Variants in PAXIP1 observed in about 807,000 individuals in gnomAD.
PAXIP1 encodes PAX interacting protein 1, also known as PAX-interacting protein 1.
In PAXIP1, 19 loss-of-function variants were observed where a neutral mutation model predicts 140.6. The ratio of observed to expected loss-of-function variants is 0.14; its 90% CI spans 0.09 to 0.20. PAXIP1 has a LOEUF of 0.20. Among genes scored for constraint, PAXIP1 ranks in the 10% least tolerant of loss-of-function variants. The probability of loss-of-function intolerance (pLI) is 1.00; values close to 1 mark genes in which losing one functional copy is unlikely to be tolerated. For synonymous variants in PAXIP1, 442 were observed against 444.6 expected, an observed-to-expected ratio of 0.99 and a Z score of 0.07; for missense variants, 920 against 1,208.6, an observed-to-expected ratio of 0.76 and a Z score of 3.54.
chr7:155,002,817 G>A, intron 1 of PAXIP1, 32 bp downstream of exon 1: 1 of 1,284,912 alleles, frequency 7.8e-7, no homozygotes, highest in Non-Finnish European at 1.0e-6. Context: ...CGCGGACGGG[G>A]GAGGAGGCCG....
chr7:154,953,666 GA>G (rs967325467), intron 16 of PAXIP1, among the ~76,000 whole-genome samples: 2 of 151,768 alleles, frequency 1.3e-5, no homozygotes, highest in African/African-American at 4.8e-5. Context: ...CCTCCATGAA[GA>G]AAAAAAATTG....
intron 2 of PAXIP1, 137 bp downstream of exon 2, chr7:154,998,513 A>T (rs1810744803): frequency 2.0e-6 from 1 of 491,624 alleles, no homozygotes; most frequent in Non-Finnish European, 3.2e-6. Flanking sequence ...AGCTCAAAAA[A>T]ATAAATAAAT....
In PAXIP1 at chr7:154,968,607, T is replaced by TCTGCTGTTG; in HGVS notation, c.1585_1593dup (p.Gln529_Gln531dup). 1 of 715,254 alleles carries TCTGCTGTTG rather than the reference T, an allele frequency of 1.4e-6. No individual in the cohort carries two copies. The highest frequency in any genetic ancestry group is 2.6e-6 in the Non-Finnish European group (1 of 385,264). 44.3% of individuals were successfully genotyped at this position (715,254 alleles called of 1,614,324 possible). A position where few individuals can be genotyped will look rare whatever the true frequency, so the allele number is the denominator to read the frequency against. On this transcript the variant is annotated inframe_insertion, in exon 7 of 21. Coordinates refer to ENST00000404141, the MANE Select transcript of PAXIP1 (RefSeq NM_007349.4). ...ATGCGCTGGAGCTGCTGCTGCTGAA[T>TCTGCTGTTG]CTGCTGTTGCTGCTGCTGCTGGAGC... is the stretch of plus-strand genomic sequence containing the variant.
chr7:154,961,406 C>T, intron 11 of PAXIP1, 121 bp downstream of exon 11: 1 of 783,748 alleles, frequency 1.3e-6, no homozygotes, highest in Non-Finnish European at 1.9e-6. Context: ...CTTTAACAGA[C>T]TTTGATTTCC....
chr7:154,993,726 G>T lies in PAXIP1; in HGVS notation c.260C>A (p.Pro87Gln). The T allele has an allele frequency of 6.3e-7, 1 of 1,591,302 alleles. No individual in the cohort carries two copies. Among genetic ancestry groups the T allele is most frequent in the Non-Finnish European group, 8.6e-7 (1 of 1,168,624 alleles). ...CTCCCCCACTCAAAAAAAAGGATAC[G>T]GCAGAAGAGTTCCACACTGAACGGA... is the stretch of plus-strand genomic sequence containing the variant. ...ILSVQCGTLL[P>Q]VNGFSPESCQ... The change falls in exon 3 of 21, where the codon CCA (proline) becomes CAA (glutamine). Residue 87 changes from proline (P) to glutamine (Q), a missense_variant and splice_region_variant. By Grantham distance (76) the Pro-to-Gln change is moderately conservative. Transcript: ENST00000404141.
intron 16 of PAXIP1, chr7:154,949,373 G>A (rs1221262754): frequency 6.6e-6 from 1 of 152,034 alleles, no homozygotes; most frequent in Non-Finnish European, 1.5e-5. Flanking sequence ...GTTCACCAAC[G>A]GCCAGAAATA....
At chr7:155,003,269 C>G (rs1425675229), upstream of PAXIP1, among the ~76,000 whole-genome samples, 2 of 151,732 alleles carry the variant, frequency 1.3e-5, no homozygotes, top group Non-Finnish European at 2.9e-5. Context: ...GCAGCCCGCT[C>G]TGGCCCTTGC....
In PAXIP1 at chr7:154,968,883, A is replaced by C. The variant is rs1052437971; in HGVS notation, c.1318T>G (p.Tyr440Asp). 8.1e-6 allele frequency: 8 copies of C among 989,902 alleles called. No homozygotes were observed. Among genetic ancestry groups the C allele is most frequent in the Non-Finnish European group, 7.8e-6 (5 of 642,586 alleles). 61.3% of individuals were successfully genotyped at this position (989,902 alleles called of 1,614,324 possible). A position where few individuals can be genotyped will look rare whatever the true frequency, so the allele number is the denominator to read the frequency against. ...AATGGATGCGGCGGCTGCTGGGGGT[A>C]AGGTTGCTGAGAGATCTGCTGCTGC... ...QQQQQISQQP[Y>D]PQQPPHPFSQ... The change falls in exon 7 of 21, where the codon TAC (tyrosine) becomes GAC (aspartate). Residue 440 changes from tyrosine (Y) to aspartate (D), a missense_variant. Tyr to Asp is a radical substitution (Grantham distance 160, BLOSUM62 -3). Coordinates refer to ENST00000404141, the MANE Select transcript of PAXIP1 (RefSeq NM_007349.4).
chr7:154,975,810 T>C lies in PAXIP1; in HGVS notation c.960A>G (p.Gln320=), dbSNP rs1234003641. ...GNLMAAGQNL[Q]SSERSEMIAT... ...CTATCATTTCTGATCTTTCAGAACT[T>C]TGGAGGTTTTGTCCAGCAGCCATTA... The change falls in exon 6 of 21, where the codon CAA becomes CAG. Residue 320 remains glutamine (Q), a synonymous_variant. Coordinates refer to ENST00000404141, the MANE Select transcript of PAXIP1 (RefSeq NM_007349.4). 1 of 1,613,884 alleles carries C rather than the reference T, an allele frequency of 6.2e-7. No individual in the cohort carries two copies. Among genetic ancestry groups the C allele is most frequent in the Non-Finnish European group, 8.5e-7 (1 of 1,179,778 alleles).
intron 16 of PAXIP1, among the ~76,000 whole-genome samples, chr7:154,952,461 T>C (rs1198365033): frequency 6.6e-6 from 1 of 152,230 alleles, no homozygotes; most frequent in Non-Finnish European, 1.5e-5. Flanking sequence ...GTGCTTTATG[T>C]TGGTGATTTT....
chr7:154,985,975 C>G, intron 4 of PAXIP1: 1 of 1,337,210 alleles, frequency 7.5e-7, no homozygotes, highest in African/African-American at 1.5e-5. Flanking sequence ...ATGACCTAGC[C>G]AGGCTCTCCA....
intron 1 of PAXIP1, chr7:155,002,212 G>A (rs1377946345): frequency 6.6e-6 from 1 of 152,280 alleles, no homozygotes. Flanking sequence ...TAATGTGATG[G>A]TGTTACCAGG....
At chr7:154,982,693 T>C (rs919001657) in intron 5 of PAXIP1, among the ~76,000 whole-genome samples, 3 of 152,192 alleles carry the variant, frequency 2.0e-5, no homozygotes, top group African/African-American at 4.8e-5. Flanking sequence ...GGGCAGATGC[T>C]GCTGATCCAG....
chr7:154,979,975 A>G (rs1374798171), intron 5 of PAXIP1, among the ~76,000 whole-genome samples: 2 of 152,188 alleles, frequency 1.3e-5, no homozygotes, highest in Non-Finnish European at 2.9e-5. Context: ...ACTAAAGAAG[A>G]GCTGTTACCA....
At chr7:154,966,021 A>G (rs1033469404) in intron 8 of PAXIP1, among the ~76,000 whole-genome samples, 2 of 152,094 alleles carry the variant, frequency 1.3e-5, no homozygotes, top group African/African-American at 4.8e-5. Flanking sequence ...CCATCCTAGG[A>G]ACTCTCTTTC....
chr7:154,967,156 T>C (rs927956338), intron 8 of PAXIP1, among the ~76,000 whole-genome samples: 4 of 152,224 alleles, frequency 2.6e-5, no homozygotes, highest in Non-Finnish European at 5.9e-5. Flanking sequence ...CTCTTCCGTT[T>C]TCTCCGTCTC....
In PAXIP1 at chr7:154,991,060, AC is replaced by A; in HGVS notation, c.269del (p.Gly90ValfsTer41). On this transcript the variant is annotated frameshift_variant, in exon 4 of 21. Transcript: ENST00000404141. LOFTEE classifies it high-confidence loss of function. The stretch of plus-strand genomic sequence containing the variant: ...AAATCTGACATGATTCTGGAGAAAA[AC>A]CATTTACTCTGTTTTATAGTTATTA... ...VQCGTLLPVN[G>X]FSPESCQIFF... 6.6e-7 allele frequency: 1 copy of A among 1,521,724 alleles called. No homozygotes were observed. The highest frequency in any genetic ancestry group is 8.9e-7 in the Non-Finnish European group (1 of 1,122,660). 94.3% of individuals were successfully genotyped at this position (1,521,724 alleles called of 1,614,324 possible).
chr7:154,998,860 T>C, intron 1 of PAXIP1, 76 bp from the exon 2 acceptor site: 1 of 1,277,540 alleles, frequency 7.8e-7, no homozygotes, highest in Non-Finnish European at 1.1e-6. Context: ...AAATAATTAT[T>C]GGGCATAATA....
intron 4 of PAXIP1, among the ~76,000 whole-genome samples, chr7:154,988,238 G>A (rs1003223962): frequency 3.9e-5 from 6 of 152,160 alleles, no homozygotes; most frequent in Admixed American, 3.3e-4. Flanking sequence ...TATGCAGAAT[G>A]CCCTCCTCCC....
Sources: allele counts gnomAD v4.1 joint callset (sites outside exome capture counted in the v4.1 genomes callset), GRCh38; gene constraint gnomAD v4.1.1; transcripts MANE v1.5; gene names NCBI Gene and HGNC (gene_info 2026-07-23, HGNC 2026-07-21).